TICRR: variants seen among roughly 807,000 people sequenced by gnomAD.
The protein encoded by TICRR is treslin.
A neutral mutation model predicts 178.1 loss-of-function variants in TICRR; 132 were observed. That is an observed-to-expected ratio of 0.74 (90% CI 0.64 to 0.86). The LOEUF is 0.86. Ranked by LOEUF, TICRR falls within the 40% of genes least tolerant of loss-of-function variation. The pLI is 0.00. For missense variants in TICRR, 2,587 were observed against 2,334.3 expected, an observed-to-expected ratio of 1.11 and a Z score of -2.23; for synonymous variants, 991 against 900.7, an observed-to-expected ratio of 1.10 and a Z score of -1.79.
chr15:89,589,492 G>A (rs1962875724), intron 4 of TICRR, among the ~76,000 whole-genome samples: 2 of 152,104 alleles, frequency 1.3e-5, no homozygotes, highest in Non-Finnish European at 2.9e-5. Flanking sequence ...TGCTGGAAGA[G>A]GTGCAGGTAA....
intron 13 of TICRR, among the ~76,000 whole-genome samples, chr15:89,603,632 A>G (rs967634167): frequency 6.6e-6 from 1 of 152,234 alleles, no homozygotes; most frequent in South Asian, 2.1e-4. Flanking sequence ...AAGTTTTTTG[A>G]AAAAGATGAT....
In TICRR at chr15:89,625,163, A is replaced by C; in HGVS notation, c.4853A>C (p.Glu1618Ala). The C allele has an allele frequency of 6.2e-7, 1 of 1,613,848 alleles. No homozygotes were observed. Among genetic ancestry groups the C allele is most frequent in the Non-Finnish European group, 8.5e-7 (1 of 1,179,966 alleles). Reference sequence around the variant, plus strand: ...GCCAGCAGGTCCTTAAGCAAACCTGAACCCACCTATGTGTCACCCCCCTGC... The same window carrying C: ...GCCAGCAGGTCCTTAAGCAAACCTGCACCCACCTATGTGTCACCCCCCTGC... ...PRASRSLSKPEPTYVSPPCPR... is the reference protein window; with the variant it reads ...PRASRSLSKPAPTYVSPPCPR... The change falls in exon 20 of 22, where the codon GAA becomes GCA. Residue 1618 changes from glutamate (E) to alanine (A), a missense_variant. By Grantham distance (107) the Glu-to-Ala change is moderately radical (BLOSUM62 -1). Coordinates refer to ENST00000268138, the MANE Select transcript of TICRR (RefSeq NM_152259.4).
At chr15:89,622,397 C>T (rs1963441358) in intron 19 of TICRR, among the ~76,000 whole-genome samples, 1 of 152,200 alleles carries the variant, frequency 6.6e-6, no homozygotes, top group Non-Finnish European at 1.5e-5. Flanking sequence ...GGGAAATCCT[C>T]CACCCAGAGG....
Position 89,625,929 on chromosome 15 carries a change from T to C in TICRR, c.5477-7T>C. On this transcript the variant is annotated splice_polypyrimidine_tract_variant and splice_region_variant and intron_variant, in intron 20 of 21. Transcript: ENST00000268138. ...GACGCTGCTCTTACTATGTGGGATC[T>C]CTTTAGGCTCCACCCCACCTCCCAG... 2 of 1,557,584 alleles carry C rather than the reference T, an allele frequency of 1.3e-6. No homozygotes were observed. Among genetic ancestry groups the C allele is most frequent in the Non-Finnish European group, 8.6e-7 (1 of 1,157,554 alleles).
intron 7 of TICRR, among the ~76,000 whole-genome samples, chr15:89,598,561 A>G (rs12914290): frequency 1.3e-5 from 2 of 151,012 alleles, no homozygotes; most frequent in Non-Finnish European, 2.9e-5. Flanking sequence ...AAGAGGTTTC[A>G]CCATGTTGGC....
chr15:89,608,866 T>A lies in TICRR; in HGVS notation c.2786T>A (p.Leu929Gln). ...TTGCTTTCCCCTTCAAAGAGATCAC[T>A]AAAGCGGGGGTTGCCTAGAAGCCAT... is the stretch of plus-strand genomic sequence containing the variant. ...QELLSPSKRS[L>Q]KRGLPRSHSV... The change falls in exon 15 of 22, where the codon CTA (leucine) becomes CAA (glutamine). Residue 929 changes from leucine (L) to glutamine (Q), a missense_variant. By Grantham distance (113) the Leu-to-Gln change is moderately radical. Transcript: ENST00000268138. 3 of 1,611,384 alleles carry A rather than the reference T, an allele frequency of 1.9e-6. No individual in the cohort carries two copies. Among genetic ancestry groups the A allele is most frequent in the Non-Finnish European group, 2.5e-6 (3 of 1,179,078 alleles).
chr15:89,600,652 GA>G lies in TICRR; in HGVS notation c.2127del (p.Lys709AsnfsTer28). 4 of 1,590,852 alleles carry G rather than the reference GA, an allele frequency of 2.5e-6. No homozygotes were observed. The highest frequency in any genetic ancestry group is 1.7e-6 in the Non-Finnish European group (2 of 1,166,350). On this transcript the variant is annotated frameshift_variant, in exon 9 of 22. Coordinates refer to ENST00000268138, the MANE Select transcript of TICRR (RefSeq NM_152259.4). LOFTEE classifies it high-confidence loss of function. Reference sequence around the variant, plus strand: ...AGTAAAAGTCTTCGACAGAATCTAGGAAAAAAACTGGATAAGGAAGACAAAG... The same window carrying G: ...AGTAAAAGTCTTCGACAGAATCTAGGAAAAAACTGGATAAGGAAGACAAAG... Reference protein sequence around the residue: ...KTSKSLRQNLGKKLDKEDKVR... With the variant: ...KTSKSLRQNLXKKLDKEDKVR...
Position 89,584,459 on chromosome 15 carries a change from A to G in TICRR, c.1108A>G (p.Ser370Gly). The G allele has an allele frequency of 1.2e-6, 2 of 1,611,812 alleles. No individual in the cohort carries two copies. Among genetic ancestry groups the G allele is most frequent in the East Asian group, 4.5e-5 (2 of 44,862 alleles). ...CTGGATGCTAGGAAGTCCAGAGGAG[A>G]GCACAGCAACTCAAAGGCTGTTATT... Reference protein sequence around the residue: ...DSWMLGSPEESTATQRLLFQQ... With the variant: ...DSWMLGSPEEGTATQRLLFQQ... The change falls in exon 3 of 22, where the codon AGC (serine) becomes GGC (glycine). Residue 370 changes from serine to glycine, a missense_variant. Transcript: ENST00000268138.
intron 4 of TICRR, among the ~76,000 whole-genome samples, chr15:89,589,921 A>G (rs547119839): frequency 3.9e-5 from 6 of 152,126 alleles, no homozygotes; most frequent in Non-Finnish European, 8.8e-5. Context: ...TCCAAGACCA[A>G]CATAGCAAGA....
Position 89,624,441 on chromosome 15 carries a change from C to G in TICRR, c.4131C>G (p.Pro1377=), listed in dbSNP as rs1179075386. The change falls in exon 20 of 22, where the codon CCC becomes CCG. Residue 1377 remains proline (P), a synonymous_variant. Transcript: ENST00000268138. ...CATTGGACACCGTCCCTCCTCCACC[C>G]CCTTCTAAAGTTGGGAAACGGTGTA... ...RATLDTVPPP[P]PSKVGKRCRK... The G allele has an allele frequency of 3.1e-6, 5 of 1,614,088 alleles. No individual in the cohort carries two copies. The African/African-American group carries it at 4.0e-5, about 13-fold the overall frequency.
At position 89,584,389 on chromosome 15, in the gene TICRR, G is replaced by T. The variant is rs777321837; in HGVS notation, c.1038G>T (p.Val346=). 5.6e-6 allele frequency: 9 copies of T among 1,614,062 alleles called. 1 individual carries two copies. The South Asian group carries it at 9.9e-5, about 18-fold the overall frequency. Residue 346 remains valine, a synonymous_variant, in exon 3 of 22, where the codon GTG becomes GTT. Coordinates refer to ENST00000268138, the MANE Select transcript of TICRR (RefSeq NM_152259.4). ...TCAGAATTTTTCTAAAAGGCTCAGT[G>T]GCCCAGTGGTCTCTCCCAACGAGCA... ...KPVRIFLKGS[V]AQWSLPTSST...
intron 15 of TICRR, 91 bp downstream of exon 15, chr15:89,609,040 T>TTAAA: frequency 8.1e-7 from 1 of 1,227,082 alleles, no homozygotes; most frequent in Non-Finnish European, 1.1e-6. Flanking sequence ...ATTTAGTAAT[T>TTAAA]TGAGTCTTCT....
At chr15:89,616,969 T>C (rs1963345419) in intron 16 of TICRR, among the ~76,000 whole-genome samples, 1 of 152,114 alleles carries the variant, frequency 6.6e-6, no homozygotes, top group African/African-American at 2.4e-5. Flanking sequence ...GAGCTCTCCT[T>C]CCTTGGGGCA....
rs1340673741 is a variant in TICRR, at chr15:89,606,757, T to G, written c.2665-11T>G. 1.2e-6 allele frequency: 2 copies of G among 1,613,260 alleles called. No individual in the cohort carries two copies. On this transcript the variant is annotated splice_polypyrimidine_tract_variant and intron_variant, in intron 13 of 21. Transcript: ENST00000268138. ...ATTTAAATTTTCTTTCTGGATTTTC[T>G]CATGTTTCAGGAGAACTCTCACCCT... is the stretch of plus-strand genomic sequence containing the variant.
In TICRR at chr15:89,625,656, AG is replaced by A; in HGVS notation, c.5347del (p.Ala1783LeufsTer11). ...AGAGAGTCCTGTTGGCCAAGGAAGA[AG>A]CTGACCGTGGAGCCAAAAGGATCTG... Reference protein sequence around the residue: ...RKRVLLAKEEADRGAKRICDL... With the variant: ...RKRVLLAKEEXDRGAKRICDL... On this transcript the variant is annotated frameshift_variant, in exon 20 of 22. Coordinates refer to ENST00000268138, the MANE Select transcript of TICRR (RefSeq NM_152259.4). LOFTEE classifies it high-confidence loss of function. 1 of 1,613,742 alleles carries A rather than the reference AG, an allele frequency of 6.2e-7. No individual in the cohort carries two copies. Among genetic ancestry groups the A allele is most frequent in the African/African-American group, 1.3e-5 (1 of 75,036 alleles).
At position 89,586,053 on chromosome 15, in the gene TICRR, A is replaced by G. The variant is rs190266555; in HGVS notation, c.1411+111A>G. ...AGAACCCCAATATGTTATAACACAG[A>G]TGAAAGAAAGCTATAATACTTCAGG... On this transcript the variant is annotated intron_variant, in intron 4 of 21. Coordinates refer to ENST00000268138, the MANE Select transcript of TICRR (RefSeq NM_152259.4). 1,069 of 705,212 alleles carry G rather than the reference A, an allele frequency of 1.5e-3. 5 individuals are homozygous for G. The highest frequency in any genetic ancestry group is 1.5e-3 in the Non-Finnish European group (634 of 419,456). The allele number at this position is 705,212 out of a possible 1,614,324, so 43.7% of individuals were successfully genotyped here. A position where few individuals can be genotyped will look rare whatever the true frequency, so the allele number is the denominator to read the frequency against.
chr15:89,627,220 T>G lies in TICRR; in HGVS notation c.*134T>G. ...ATTGCCATTAGAATGCCTTAGGGTT[T>G]TCTAATTCCCCTTATGGATCCAATC... On this transcript the variant is annotated 3_prime_UTR_variant, in exon 22 of 22. Coordinates refer to ENST00000268138, the MANE Select transcript of TICRR (RefSeq NM_152259.4). 9.2e-7 allele frequency: 1 copy of G among 1,088,168 alleles called. No homozygotes were observed. The highest frequency in any genetic ancestry group is 1.3e-6 in the Non-Finnish European group (1 of 764,586). 67.4% of individuals were successfully genotyped at this position (1,088,168 alleles called of 1,614,324 possible).
Position 89,601,841 on chromosome 15 carries a change from A to G in TICRR, c.2432A>G (p.Asp811Gly). ...GTCCTTCCTACAGATTTTTTCAGTGATGACTCCATGACACAAGAGAACAAA... is the reference window on the plus strand; with the variant it reads ...GTCCTTCCTACAGATTTTTTCAGTGGTGACTCCATGACACAAGAGAACAAA... Reference protein sequence around the residue: ...AGVLPTDFFSDDSMTQENKSP... With the variant: ...AGVLPTDFFSGDSMTQENKSP... Residue 811 changes from aspartate (D) to glycine (G), a missense_variant, in exon 12 of 22, where the codon GAT becomes GGT. Coordinates refer to ENST00000268138, the MANE Select transcript of TICRR (RefSeq NM_152259.4). 1 of 1,614,146 alleles carries G rather than the reference A, an allele frequency of 6.2e-7. No individual in the cohort carries two copies.
At chr15:89,580,769 T>G (rs1266366314) in intron 1 of TICRR, among the ~76,000 whole-genome samples, 1 of 152,172 alleles carries the variant, frequency 6.6e-6, no homozygotes, top group Non-Finnish European at 1.5e-5. Context: ...CCTAGTGGCT[T>G]ATACCTGTAA....
Sources: gnomAD v4.1 joint callset for allele counts (sites outside exome capture counted in the v4.1 genomes callset) on GRCh38, gnomAD v4.1.1 for gene constraint, MANE v1.5 for transcripts, NCBI Gene and HGNC (gene_info 2026-07-23, HGNC 2026-07-21) for gene names.